PUDP: variants seen among roughly 807,000 people sequenced by gnomAD.
PUDP encodes pseudouridine 5'-phosphatase, also known as pseudouridine-5'-phosphatase.
PUDP carries 8 observed loss-of-function variants against 9.4 expected under a neutral mutation model. The ratio of observed to expected loss-of-function variants is 0.85; its 90% confidence interval spans 0.50 to 1.53. The LOEUF (loss-of-function observed/expected upper bound fraction) is 1.53. Among genes scored for constraint, PUDP ranks in the 40% most tolerant of loss-of-function variants. The pLI, the probability that PUDP is intolerant of heterozygous loss-of-function variation, is 0.00. For synonymous variants in PUDP, 99 were observed against 80.7 expected (o/e 1.23, Z -1.22); for missense variants, 188 against 189.7 (o/e 0.99, Z 0.05).
chrX:7,007,309 C>T (rs369962027), intron 1 of PUDP, among the ~76,000 whole-genome samples: 53 of 111,462 alleles, frequency 4.8e-4, no homozygotes, highest in South Asian at 1.9e-3. Flanking sequence ...CCTGAAGGTC[C>T]GTTTCCTAAC....
intron 2 of PUDP, among the ~76,000 whole-genome samples, chrX:7,099,165 G>A (rs181187353): frequency 1.8e-5 from 2 of 112,538 alleles, no homozygotes; most frequent in South Asian, 7.3e-4. Flanking sequence ...AATTACCCTC[G>A]CTGAGTTATA....
chrX:7,053,047 T>C (rs1024002714), intron 3 of PUDP, among the ~76,000 whole-genome samples: 10 of 112,288 alleles, frequency 8.9e-5, no homozygotes, highest in African/African-American at 3.2e-4. Context: ...CCACTGTTTT[T>C]ATCTGGGACC....
At chrX:7,036,947 T>C (rs1929860888) in intron 1 of PUDP, among the ~76,000 whole-genome samples, 2 of 112,443 alleles carry the variant, frequency 1.8e-5, no homozygotes, top group African/African-American at 6.5e-5. Flanking sequence ...ATTGATTCCT[T>C]AGAAATAACT....
At chrX:6,798,362 A>G (rs1430608609) in intron 3 of PUDP, among the ~76,000 whole-genome samples, 1 of 112,150 alleles carries the variant, frequency 8.9e-6, no homozygotes, top group Non-Finnish European at 1.9e-5. Flanking sequence ...CACCCTTGAC[A>G]CATGGGGATT....
At chrX:6,971,048 C>A (rs1258128894) in intron 3 of PUDP, among the ~76,000 whole-genome samples, 1 of 110,171 alleles carries the variant, frequency 9.1e-6, no homozygotes, top group Non-Finnish European at 1.9e-5. Context: ...AAGACTCCAT[C>A]TCAAAAACAA....
chrX:6,945,776 C>T (rs1050669589), intron 3 of PUDP, among the ~76,000 whole-genome samples: 1 of 110,992 alleles, frequency 9.0e-6, no homozygotes, highest in Non-Finnish European at 1.9e-5. Flanking sequence ...CTCGGAAACT[C>T]AAACTTTGGG....
intron 3 of PUDP, among the ~76,000 whole-genome samples, chrX:6,946,193 C>T (rs1602685014): frequency 1.8e-5 from 2 of 111,796 alleles, no homozygotes; most frequent in South Asian, 3.8e-4. Flanking sequence ...CTTCTGACAT[C>T]AGAAGGCTGA....
intron 3 of PUDP, among the ~76,000 whole-genome samples, chrX:6,812,125 G>T (rs768719295): frequency 8.9e-6 from 1 of 112,199 alleles, no homozygotes; most frequent in African/African-American, 3.2e-5. Context: ...TCAAGAGAAG[G>T]ATTTGCATCT....
chrX:6,996,833 A>G (rs973239842), intron 1 of PUDP, among the ~76,000 whole-genome samples: 3 of 107,350 alleles, frequency 2.8e-5, no homozygotes, highest in African/African-American at 1.0e-4. Flanking sequence ...ACACCCAGCT[A>G]ATTTTTTGTA....
At chrX:6,750,578 A>T (rs1925057102) in intron 3 of PUDP, among the ~76,000 whole-genome samples, 1 of 111,596 alleles carries the variant, frequency 9.0e-6, no homozygotes, top group Non-Finnish European at 1.9e-5. Context: ...TGCTGGAAAC[A>T]TTGACCCCTG....
chrX:7,054,334 C>T (rs1007746475), intron 3 of PUDP, among the ~76,000 whole-genome samples: 6 of 110,074 alleles, frequency 5.5e-5, no homozygotes, highest in Non-Finnish European at 7.6e-5. Flanking sequence ...GGCTTGAACC[C>T]AGGAGGTAGA....
chrX:7,120,951 C>G (rs192129949), intron 1 of PUDP, among the ~76,000 whole-genome samples: 2 of 111,736 alleles, frequency 1.8e-5, no homozygotes, highest in Non-Finnish European at 3.8e-5. Flanking sequence ...CAGAAGCAGA[C>G]CAGTGGTTCC....
intron 3 of PUDP, among the ~76,000 whole-genome samples, chrX:6,814,314 G>T (rs1401694172): frequency 9.1e-6 from 1 of 110,200 alleles, no homozygotes; most frequent in African/African-American, 3.3e-5. Context: ...TTTCATGCAA[G>T]ACTCATTTTT....
At chrX:6,732,983 C>T (rs999167619) in intron 3 of PUDP, among the ~76,000 whole-genome samples, 1 of 111,843 alleles carries the variant, frequency 8.9e-6, no homozygotes, top group Admixed American at 9.4e-5. Context: ...CATTCAGGAA[C>T]GGTCTCTCAA....
intron 1 of PUDP, among the ~76,000 whole-genome samples, chrX:7,013,528 C>T (rs1410212149): frequency 8.9e-6 from 1 of 112,252 alleles, no homozygotes; most frequent in African/African-American, 3.2e-5. Flanking sequence ...CTGAGTGTCT[C>T]CGGTGAGCTA....
At chrX:6,770,606 C>T (rs973547105) in intron 3 of PUDP, among the ~76,000 whole-genome samples, 2 of 111,363 alleles carry the variant, frequency 1.8e-5, no homozygotes, top group African/African-American at 6.5e-5. Flanking sequence ...TGCAAACTAA[C>T]CTGTAAGAAA....
At chrX:7,007,957 T>C (rs1244974272) in intron 1 of PUDP, among the ~76,000 whole-genome samples, 2 of 110,888 alleles carry the variant, frequency 1.8e-5, no homozygotes, top group Non-Finnish European at 1.9e-5. Context: ...TTATGGATAA[T>C]AATAAAATTT....
At chrX:6,712,302 C>T (rs1924542072) in intron 1 of PUDP, among the ~76,000 whole-genome samples, 1 of 111,294 alleles carries the variant, frequency 9.0e-6, no homozygotes, top group Non-Finnish European at 1.9e-5. Flanking sequence ...AGGCATGTGC[C>T]ACCATGCCTG....
chrX:6,752,549 A>C (rs928440980), intron 3 of PUDP, among the ~76,000 whole-genome samples: 8 of 112,170 alleles, frequency 7.1e-5, no homozygotes, highest in African/African-American at 2.6e-4. Flanking sequence ...AATTTGAAGA[A>C]TATTTTCCTT....
Sources: gnomAD v4.1 joint callset for allele counts (sites outside exome capture counted in the v4.1 genomes callset) on GRCh38, gnomAD v4.1.1 for gene constraint, MANE v1.5 for transcripts, NCBI Gene and HGNC (gene_info 2026-07-23, HGNC 2026-07-21) for gene names.